The following COPZ2 variants were observed in gnomAD, a reference collection of about 807,000 sequenced individuals.
COPZ2 encodes coat protein complex I subunit zeta 2, also known as coatomer subunit zeta-2.
Under a neutral mutation model 33.2 loss-of-function variants are expected in COPZ2, and 30 were observed. The observed-to-expected ratio is 0.90, with a 90% confidence interval of 0.68 to 1.23. The LOEUF (loss-of-function observed/expected upper bound fraction) is 1.23, where lower values mean the gene tolerates loss of function less well. Ranked by LOEUF, COPZ2 falls within the 50% of genes most tolerant of loss-of-function variation. The pLI, the probability that COPZ2 is intolerant of heterozygous loss-of-function variation, is 0.00. For missense variants in COPZ2, 263 were observed against 262.4 expected (o/e 1.00, Z -0.02); for synonymous variants, 89 against 102.6 (o/e 0.87, Z 0.80).
intron 6 of COPZ2, among the ~76,000 whole-genome samples, chr17:48,031,463 A>C (rs961835419): frequency 6.6e-6 from 1 of 152,030 alleles, no homozygotes; most frequent in African/African-American, 2.4e-5. Context: ...CTCAAAAAAA[A>C]AAAAAAAAGA....
chr17:48,034,867 T>C (rs911010310), intron 2 of COPZ2, among the ~76,000 whole-genome samples: 1 of 152,130 alleles, frequency 6.6e-6, no homozygotes, highest in African/African-American at 2.4e-5. Context: ...GTGCCTGTAA[T>C]CCCAGCTACT....
chr17:48,034,901 G>A (rs551825671), intron 2 of COPZ2, among the ~76,000 whole-genome samples: 8 of 152,098 alleles, frequency 5.3e-5, no homozygotes, highest in East Asian at 3.9e-4. Flanking sequence ...CAGGAGAATC[G>A]CTTGAACCCG....
the COPZ2 span, chr17:48,043,653 G>C: frequency 4.7e-5 from 34 of 717,958 alleles, no homozygotes; most frequent in Non-Finnish European, 5.5e-5. Context: ...GGTGGAGAGA[G>C]GATTATTCAA....
upstream of COPZ2, among the ~76,000 whole-genome samples, chr17:48,039,082 C>T (rs1191164604): frequency 6.6e-6 from 1 of 152,138 alleles, no homozygotes; most frequent in Non-Finnish European, 1.5e-5. Flanking sequence ...TCAGGCAATC[C>T]TCCCATCTCA....
intron 6 of COPZ2, among the ~76,000 whole-genome samples, chr17:48,030,931 T>C (rs1484701426): frequency 1.3e-5 from 2 of 152,166 alleles, no homozygotes; most frequent in Non-Finnish European, 2.9e-5. Flanking sequence ...CCACTCCCTT[T>C]TGGGTCCCAG....
At chr17:48,040,494 G>A (rs1390315129), upstream of COPZ2, among the ~76,000 whole-genome samples, 3 of 149,092 alleles carry the variant, frequency 2.0e-5, no homozygotes, top group South Asian at 2.1e-4. Flanking sequence ...GTGCAGTGGC[G>A]AGATCTCGGC....
chr17:48,040,541 T>A (rs1356427053), upstream of COPZ2, among the ~76,000 whole-genome samples: 4 of 151,178 alleles, frequency 2.6e-5, no homozygotes, highest in African/African-American at 9.7e-5. Flanking sequence ...CCAGTGATTC[T>A]CCTGCCTCAG....
chr17:48,026,376 G>A lies in COPZ2; in HGVS notation c.*52C>T. ...CTGACCCTGGGATCTTTGGGCTTTT[G>A]CCAGGATTGGGGAAATGATCTGGGG... On this transcript the variant is annotated 3_prime_UTR_variant, in exon 9 of 9. Transcript: ENST00000621465. The A allele has an allele frequency of 2.7e-6, 4 of 1,461,318 alleles. No individual in the cohort carries two copies. Among genetic ancestry groups the A allele is most frequent in the Non-Finnish European group, 3.8e-6 (4 of 1,041,602 alleles). The allele number at this position is 1,461,318 out of a possible 1,614,324, so 90.5% of individuals were successfully genotyped here.
the COPZ2 span, chr17:48,043,410 C>T: frequency 4.0e-5 from 22 of 544,360 alleles, no homozygotes; most frequent in East Asian, 2.1e-3. Flanking sequence ...TCTTATGTGA[C>T]GAGAAGAAAC....
At position 48,037,570 on chromosome 17, in the gene COPZ2, C is replaced by T; in HGVS notation, c.111+97G>A. The T allele has an allele frequency of 3.0e-6, 3 of 998,872 alleles. No individual in the cohort carries two copies. The highest frequency in any genetic ancestry group is 4.8e-4 in the Middle Eastern group (1 of 2,088). 61.9% of individuals were successfully genotyped at this position (998,872 alleles called of 1,614,324 possible). A position where few individuals can be genotyped will look rare whatever the true frequency, so the allele number is the denominator to read the frequency against. The stretch of plus-strand genomic sequence containing the variant: ...GGGGTGACACAAAGTTCCCAGCCGC[C>T]GGGCGCGCGAGTTCTGAGTTGGCTG... On this transcript the variant is annotated intron_variant, in intron 1 of 8. Coordinates refer to ENST00000621465, the MANE Select transcript of COPZ2 (RefSeq NM_016429.4). The surrounding 1 kb of genome is among the most constrained non-coding windows in gnomAD (Gnocchi z 5.6).
At position 48,032,706 on chromosome 17, in the gene COPZ2, C is replaced by T; in HGVS notation, c.396G>A (p.Glu132=). The change falls in exon 5 of 9, where the codon GAG becomes GAA. Residue 132 remains glutamate, a synonymous_variant. Coordinates refer to ENST00000621465, the MANE Select transcript of COPZ2 (RefSeq NM_016429.4). ...MLMSVLTCLF[E]SLNHMLRKNV... ...CTCACCTTAACATGTGGTTCAGAGA[C>T]TCAAACAGGCAGGTGAGAACAGACA... 3 of 1,593,788 alleles carry T rather than the reference C, an allele frequency of 1.9e-6. No individual in the cohort carries two copies. Among genetic ancestry groups the T allele is most frequent in the Non-Finnish European group, 2.6e-6 (3 of 1,170,118 alleles).
chr17:48,036,776 C>T, intron 2 of COPZ2, 75 bp downstream of exon 2: 1 of 1,390,034 alleles, frequency 7.2e-7, no homozygotes, highest in South Asian at 1.2e-5. Context: ...ACAGAGATCA[C>T]AGTGGAGTTT....
In COPZ2 at chr17:48,028,526, G is replaced by A. The variant is rs372765268; in HGVS notation, c.547-16C>T. ...CATCATCTGCCTGTAAGGAAGCAGA[G>A]TCAAGGGGTGGGGTAGGGCCAGCAT... On this transcript the variant is annotated splice_polypyrimidine_tract_variant and intron_variant, in intron 7 of 8. Coordinates refer to ENST00000621465, the MANE Select transcript of COPZ2 (RefSeq NM_016429.4). This position sits in a 1 kb window ranked among gnomAD's most constrained non-coding sequence, Gnocchi z 4.5. 12 of 1,605,234 alleles carry A rather than the reference G, an allele frequency of 7.5e-6. No homozygotes were observed. In the African/African-American group the frequency reaches 1.5e-4, roughly 20 times the overall value.
chr17:48,030,439 C>T (rs56216222), intron 6 of COPZ2, among the ~76,000 whole-genome samples: 5,181 of 152,196 alleles, frequency 0.034, 261 homozygotes, highest in African/African-American at 0.11. Context: ...GGTACATGGG[C>T]GTGAGGGCCT....
intron 6 of COPZ2, 154 bp from the exon 7 acceptor site, chr17:48,029,330 C>T (rs2036859408): frequency 1.4e-6 from 1 of 717,598 alleles, no homozygotes; most frequent in Non-Finnish European, 2.5e-6. Context: ...AGTCAGAACT[C>T]TCCCTCAGCA....
chr17:48,039,482 A>AAG (rs2037039842), upstream of COPZ2, among the ~76,000 whole-genome samples: 1 of 151,198 alleles, frequency 6.6e-6, no homozygotes, highest in Middle Eastern at 3.2e-3. Context: ...AAAAAAAAAA[A>AAG]AAGAAGAAGA....
chr17:48,039,344 G>C (rs1190654226), upstream of COPZ2, among the ~76,000 whole-genome samples: 1 of 151,492 alleles, frequency 6.6e-6, no homozygotes. Flanking sequence ...AGGGTGGTGT[G>C]ACCTGTAGTC....
At chr17:48,045,668 G>A in the COPZ2 span, 1 of 152,344 alleles carries the variant, frequency 6.6e-6, no homozygotes, top group African/African-American at 2.4e-5. Flanking sequence ...GTTTTACAAT[G>A]GCTGCCAGCC....
At chr17:48,032,062 T>C (rs35091825) in intron 6 of COPZ2, 94 bp downstream of exon 6, 78,794 of 958,450 alleles carry the variant, frequency 0.082, 4,006 homozygotes, top group African/African-American at 0.19. Flanking sequence ...GAGTGAGAAG[T>C]TGGTCAGAGT....
Sources: gnomAD v4.1 joint callset for allele counts (sites outside exome capture counted in the v4.1 genomes callset) on GRCh38, gnomAD v4.1.1 for gene constraint, Gnocchi (gnomAD v3.1) non-coding constraint, MANE v1.5 for transcripts, NCBI Gene and HGNC (gene_info 2026-07-23, HGNC 2026-07-21) for gene names.